BMP7: variants seen among roughly 807,000 people sequenced by gnomAD.
BMP7 encodes the protein osteogenic protein 1.
A neutral mutation model predicts 41.2 loss-of-function variants in BMP7; 12 were observed. The observed-to-expected ratio is 0.29, with a 90% confidence interval of 0.19 to 0.47. BMP7 has a LOEUF of 0.47. BMP7 is among the 20% of genes least tolerant of loss of function. BMP7 has a pLI of 0.99. For missense variants in BMP7, 467 were observed against 606.0 expected, an observed-to-expected ratio of 0.77 and a Z score of 2.41; for synonymous variants, 248 against 250.0, an observed-to-expected ratio of 0.99 and a Z score of 0.07.
chr20:57,221,654 G>C (rs1383167652), intron 2 of BMP7, among the ~76,000 whole-genome samples: 1 of 151,976 alleles, frequency 6.6e-6, no homozygotes, highest in Non-Finnish European at 1.5e-5. Context: ...CTCTACAAAA[G>C]TAAAAAACTA....
At position 57,170,752 on chromosome 20, in the gene BMP7, T is replaced by G. The variant is rs896578995; in HGVS notation, c.*207A>C. 2.1e-5 allele frequency: 14 copies of G among 654,302 alleles called. No individual in the cohort carries two copies. The highest frequency in any genetic ancestry group is 1.6e-4 in the Admixed American group (6 of 38,692). 40.5% of individuals were successfully genotyped at this position (654,302 alleles called of 1,614,324 possible). On this transcript the variant is annotated 3_prime_UTR_variant, in exon 7 of 7. Transcript: ENST00000395863. ...TGCTAGGTTTTGCCTGCACAGCTTG[T>G]AGGATCTTGTTCATTGGATGCTGCC...
At chr20:57,192,025 T>C (rs189764347) in intron 3 of BMP7, among the ~76,000 whole-genome samples, 1,281 of 125,020 alleles carry the variant, frequency 0.01, 14 homozygotes, top group Middle Eastern at 0.028. Context: ...ATATATAATA[T>C]ATAATATAGC....
At chr20:57,244,241 G>T (rs2066080913) in intron 1 of BMP7, among the ~76,000 whole-genome samples, 1 of 152,188 alleles carries the variant, frequency 6.6e-6, no homozygotes, top group South Asian at 2.1e-4. Context: ...GATAATGCAG[G>T]TCTAGAAACC....
chr20:57,216,892 G>A (rs933834054), intron 2 of BMP7, among the ~76,000 whole-genome samples: 5 of 152,144 alleles, frequency 3.3e-5, no homozygotes, highest in African/African-American at 1.2e-4. Context: ...TTCATGGCAG[G>A]GACCCCCGCC....
chr20:57,246,746 T>C (rs1167793820), intron 1 of BMP7, among the ~76,000 whole-genome samples: 1 of 152,166 alleles, frequency 6.6e-6, no homozygotes, highest in Non-Finnish European at 1.5e-5. Context: ...CCCAGCACTT[T>C]GGGAGGCCGA....
At chr20:57,206,366 T>C (rs552429342) in intron 2 of BMP7, among the ~76,000 whole-genome samples, 91 of 152,264 alleles carry the variant, frequency 6.0e-4, no homozygotes, top group African/African-American at 2.1e-3. Context: ...GTTACTGTTT[T>C]ACAGATGAGA....
intron 4 of BMP7, among the ~76,000 whole-genome samples, chr20:57,182,112 C>T (rs1242333626): frequency 6.6e-6 from 1 of 152,214 alleles, no homozygotes; most frequent in Non-Finnish European, 1.5e-5. Context: ...GGTGTCACCC[C>T]TCCAGTCCAC....
chr20:57,190,396 GGGGT>G, intron 3 of BMP7, among the ~76,000 whole-genome samples: 1 of 128,310 alleles, frequency 7.8e-6, no homozygotes, highest in African/African-American at 2.7e-5. Context: ...GGAGCCCGAG[GGGGT>G]GAGGCTGGAG....
chr20:57,241,004 C>T (rs1418276446), intron 1 of BMP7, among the ~76,000 whole-genome samples: 1 of 152,194 alleles, frequency 6.6e-6, no homozygotes, highest in African/African-American at 2.4e-5. Context: ...TGCCACTTCA[C>T]ATGTATATAT....
At chr20:57,206,478 C>T (rs762337494) in intron 2 of BMP7, among the ~76,000 whole-genome samples, 9 of 152,118 alleles carry the variant, frequency 5.9e-5, no homozygotes, top group African/African-American at 9.7e-5. Context: ...AGAGCCTGAG[C>T]GCTTAAACCC....
Position 57,174,550 on chromosome 20 carries a change from T to G in BMP7, c.1035+381A>C, listed in dbSNP as rs1301582632. ...AAGCTGGGCAGATCCGTCCCTCCCG[T>G]GGGAATGGGAATGGGGTAAATGAAG... On this transcript the variant is annotated intron_variant, in intron 5 of 6. Coordinates refer to ENST00000395863, the MANE Select transcript of BMP7 (RefSeq NM_001719.3). The surrounding 1 kb of genome is among the most constrained non-coding windows in gnomAD (Gnocchi z 4.3). Among the ~76,000 whole-genome samples the G allele has an allele frequency of 1.3e-5, 2 of 151,844 alleles. No homozygotes were observed. The highest frequency in any genetic ancestry group is 2.9e-5 in the Non-Finnish European group (2 of 67,952).
At chr20:57,256,122 CT>C (rs1484319651) in intron 1 of BMP7, among the ~76,000 whole-genome samples, 3 of 152,168 alleles carry the variant, frequency 2.0e-5, no homozygotes, top group African/African-American at 7.2e-5. Context: ...AGATGGAAGC[CT>C]CCAGAACATC....
At chr20:57,201,210 C>T (rs1484513176) in intron 3 of BMP7, among the ~76,000 whole-genome samples, 3 of 152,210 alleles carry the variant, frequency 2.0e-5, no homozygotes. Context: ...CCCATAATAA[C>T]CCATTACATC....
In BMP7 at chr20:57,252,943, A is replaced by C. The variant is rs118123812; in HGVS notation, c.418+12762T>G. ...GGGGAAGGGCTAGGAATGCTGCCAA[A>C]CATCCTATAATACACAGGACAGCTC... On this transcript the variant is annotated intron_variant, in intron 1 of 6. Coordinates refer to ENST00000395863, the MANE Select transcript of BMP7 (RefSeq NM_001719.3). Among the ~76,000 whole-genome samples the C allele has an allele frequency of 1.2e-3, 181 of 152,282 alleles. No homozygotes were observed. In the East Asian group the frequency reaches 0.022, roughly 18 times the overall value.
At chr20:57,221,811 CAAAAAAAAAAA>C (rs57893562) in intron 2 of BMP7, among the ~76,000 whole-genome samples, 10 of 127,598 alleles carry the variant, frequency 7.8e-5, no homozygotes, top group Non-Finnish European at 1.2e-4. Flanking sequence ...CCCTATCTCT[CAAAAAAAAAAA>C]AAAAAAAAAA....
chr20:57,258,914 T>C (rs1348139772), intron 1 of BMP7, among the ~76,000 whole-genome samples: 1 of 152,196 alleles, frequency 6.6e-6, no homozygotes, highest in Non-Finnish European at 1.5e-5. Context: ...AGAGCTACCA[T>C]TTGTTTTACA....
intron 1 of BMP7, among the ~76,000 whole-genome samples, chr20:57,265,379 G>C (rs2066172341): frequency 1.3e-5 from 2 of 152,388 alleles, no homozygotes; most frequent in Middle Eastern, 3.4e-3. Context: ...CGCCGGCCCG[G>C]GACAGCTCAC....
intron 3 of BMP7, among the ~76,000 whole-genome samples, chr20:57,186,061 T>C (rs1393725960): frequency 6.6e-6 from 1 of 152,216 alleles, no homozygotes; most frequent in Non-Finnish European, 1.5e-5. Context: ...GCTCAATAAA[T>C]GCTAGCTCAG....
chr20:57,265,384 G>A (rs1041165894), intron 1 of BMP7, among the ~76,000 whole-genome samples: 11 of 152,270 alleles, frequency 7.2e-5, no homozygotes, highest in Non-Finnish European at 1.2e-4. Flanking sequence ...GCCCGGGACA[G>A]CTCACATGAC....
Sources: allele counts gnomAD v4.1 joint callset (sites outside exome capture counted in the v4.1 genomes callset), GRCh38; gene constraint gnomAD v4.1.1; non-coding constraint Gnocchi (gnomAD v3.1); transcripts MANE v1.5; gene names NCBI Gene and HGNC (gene_info 2026-07-23, HGNC 2026-07-21).